Variants in TTN observed in about 807,000 individuals in gnomAD.
TTN encodes the protein connectin.
A neutral mutation model predicts 3,223.0 loss-of-function variants in TTN; 1,525 were observed. That is an observed-to-expected ratio of 0.47 (90% CI 0.45 to 0.49). The LOEUF (loss-of-function observed/expected upper bound fraction) is 0.49. TTN is among the 20% of genes least tolerant of loss of function. The pLI, the probability that TTN is intolerant of heterozygous loss-of-function variation, is 0.00. For synonymous variants in TTN, 14,094 were observed against 15,161.0 expected (o/e 0.93, Z 5.17); for missense variants, 40,786 against 43,424.0 (o/e 0.94, Z 5.40).
Position 178,582,516 on chromosome 2 carries a change from A to G in TTN, c.65940T>C (p.Pro21980=). The G allele has an allele frequency of 6.2e-7, 1 of 1,612,986 alleles. No individual in the cohort carries two copies. The highest frequency in any genetic ancestry group is 1.3e-5 in the African/African-American group (1 of 74,960). Residue 21980 remains proline, a synonymous_variant, in exon 314 of 363, where the codon CCT becomes CCC. Transcript: ENST00000589042. ...TGATTTCTGAGCCTCCATCTTCAAG[A>G]GGCGGTTCCCAAGAAAGCATAGCAC... ...SDRAMLSWEP[P]LEDGGSEITN... is the part of the protein sequence containing the mutation.
chr2:178,652,425 G>T, intron 202 of TTN, 33 bp downstream of exon 202: 2 of 1,613,042 alleles, frequency 1.2e-6, no homozygotes, highest in African/African-American at 2.7e-5. Flanking sequence ...AGAAGAGTTT[G>T]ATCATCTGAA....
chr2:178,568,328 G>C lies in TTN; in HGVS notation c.77804C>G (p.Thr25935Ser). ...NYIVQKRDTT[T>S]TVWDVVSATV... ...AGCAGAAACAACATCCCATACTGTG[G>C]TGGTTGTATCTCTTTTCTGAACAAT... is the stretch of plus-strand genomic sequence containing the variant. Residue 25935 changes from threonine (T) to serine (S), a missense_variant, in exon 326 of 363, where the codon ACC (threonine) becomes AGC (serine). By Grantham distance (58) the Thr-to-Ser change is moderately conservative. Coordinates refer to ENST00000589042, the MANE Select transcript of TTN (RefSeq NM_001267550.2). The C allele has an allele frequency of 6.2e-7, 1 of 1,613,448 alleles. No individual in the cohort carries two copies. Among genetic ancestry groups the C allele is most frequent in the Non-Finnish European group, 8.5e-7 (1 of 1,179,630 alleles).
intron 69 of TTN, chr2:178,726,648 AT>A (rs1560740587): frequency 6.5e-6 from 1 of 153,814 alleles, no homozygotes; most frequent in Non-Finnish European, 1.4e-5. Context: ...GAAGGAAAAA[AT>A]ATTATTGTCC....
intron 43 of TTN, among the ~76,000 whole-genome samples, chr2:178,759,951 G>T (rs1044284565): frequency 5.9e-5 from 9 of 152,288 alleles, no homozygotes; most frequent in Admixed American, 5.9e-4. Flanking sequence ...TTATTGTGTT[G>T]TAATAATTGT....
chr2:178,727,187 C>T lies in TTN; in HGVS notation c.20178G>A (p.Gln6726=). The T allele has an allele frequency of 1.9e-6, 3 of 1,613,274 alleles. No homozygotes were observed. Among genetic ancestry groups the T allele is most frequent in the Non-Finnish European group, 2.5e-6 (3 of 1,179,454 alleles). ...MTFIDSVAVI[Q]MNNLSTEDSG... ...TGTCCTCAGTACTGAGATTGTTCAT[C>T]TGTATGACGGCCACTGAGTCAATGA... Residue 6726 remains glutamine (Q), a synonymous_variant, in exon 69 of 363, where the codon CAG becomes CAA. Coordinates refer to ENST00000589042, the MANE Select transcript of TTN (RefSeq NM_001267550.2).
At position 178,546,730 on chromosome 2, in the gene TTN, G is replaced by T. The variant is rs72648253; in HGVS notation, c.94698C>A (p.Asp31566Glu). 8 of 1,613,802 alleles carry T rather than the reference G, an allele frequency of 5.0e-6. No homozygotes were observed. In the Admixed American group the frequency reaches 1.3e-4, roughly 27 times the overall value. Reference protein sequence around the residue: ...WLKCNYTIVSDNFFTVTALSE... With the variant: ...WLKCNYTIVSENFFTVTALSE... ...TGAGAGCAGTCACGGTGAAGAAATT[G>T]TCAGATACAATGGTGTAGTTGCACT... Residue 31566 changes from aspartate (D) to glutamate (E), a missense_variant, in exon 341 of 363, where the codon GAC becomes GAA. Physicochemically the swap from Asp to Glu is conservative, Grantham distance 45. Coordinates refer to ENST00000589042, the MANE Select transcript of TTN (RefSeq NM_001267550.2).
chr2:178,577,369 C>T lies in TTN; in HGVS notation c.68966G>A (p.Arg22989Lys). ...AGTTATCTGAGTGATATCTGATGGT[C>T]TAATGTCTTTTCCTGCCTTGGACCA... ...SSWSKAGKDIRPSDITQITST... is the reference protein window; with the variant it reads ...SSWSKAGKDIKPSDITQITST... Residue 22989 changes from arginine to lysine, a missense_variant, in exon 324 of 363, where the codon AGA becomes AAA. By Grantham distance (26) the Arg-to-Lys change is conservative (BLOSUM62 2). Transcript: ENST00000589042. The T allele has an allele frequency of 6.2e-7, 1 of 1,612,908 alleles. No homozygotes were observed. The highest frequency in any genetic ancestry group is 8.5e-7 in the Non-Finnish European group (1 of 1,179,508).
At chr2:178,647,552 G>GCTT (rs2062218100) in intron 213 of TTN, 88 bp from the exon 214 acceptor site, 1 of 1,277,636 alleles carries the variant, frequency 7.8e-7, no homozygotes, top group African/African-American at 1.5e-5. Context: ...AGGGGCAAGA[G>GCTT]CTTCATCTTA....
At position 178,541,288 on chromosome 2, in the gene TTN, G is replaced by C; in HGVS notation, c.97789C>G (p.Pro32597Ala). ...TGATACAAAATGTCCTTACCAATTG[G>C]ATCCATGGCAACGATGGGTTTGGAA... ...RPSKPIVAMD[P>A]IAPPGKPQNP... The change falls in exon 350 of 363, where the codon CCA (proline) becomes GCA (alanine). Residue 32597 changes from proline (P) to alanine (A), a missense_variant. By Grantham distance (27) the Pro-to-Ala change is conservative. Transcript: ENST00000589042. 1 of 1,502,330 alleles carries C rather than the reference G, an allele frequency of 6.7e-7. No individual in the cohort carries two copies. Among genetic ancestry groups the C allele is most frequent in the Non-Finnish European group, 9.0e-7 (1 of 1,116,608 alleles). 93.1% of individuals were successfully genotyped at this position (1,502,330 alleles called of 1,614,324 possible).
In TTN at chr2:178,633,504, G is replaced by A; in HGVS notation, c.42855C>T (p.Ile14285=). The A allele has an allele frequency of 1.2e-6, 2 of 1,613,338 alleles. No homozygotes were observed. Among genetic ancestry groups the A allele is most frequent in the Non-Finnish European group, 1.7e-6 (2 of 1,179,606 alleles). ...TAAGGTCCGCCTTTTTGATTTTTAA[G>A]ATGCGGCGCAGGCCATCTGCCTTGA... ...YSIKADGLRR[I]LKIKKADLKD... Residue 14285 remains isoleucine, a synonymous_variant, in exon 232 of 363, where the codon ATC becomes ATT. Coordinates refer to ENST00000589042, the MANE Select transcript of TTN (RefSeq NM_001267550.2).
At chr2:178,649,657 T>G in intron 211 of TTN, 26 bp from the exon 212 acceptor site, 1 of 1,550,280 alleles carries the variant, frequency 6.5e-7, no homozygotes, top group Non-Finnish European at 8.7e-7. Context: ...TAGCATTTAA[T>G]AATACAAAGT....
In TTN at chr2:178,734,621, A is replaced by G. The variant is rs1256191909; in HGVS notation, c.15218-15T>C. On this transcript the variant is annotated splice_polypyrimidine_tract_variant and intron_variant, in intron 51 of 362. Transcript: ENST00000589042. ...AGAAGGAGGTTCTACAAAAGCATGA[A>G]AGCATTGTGTAAGTAATGGGTAATA... 6 of 1,560,566 alleles carry G rather than the reference A, an allele frequency of 3.8e-6. No homozygotes were observed. The highest frequency in any genetic ancestry group is 5.2e-6 in the Non-Finnish European group (6 of 1,154,516).
Position 178,794,394 on chromosome 2 carries a change from C to T in TTN, c.1398+5G>A, listed in dbSNP as rs542965530. ...GCGGGTGCCCCATGGCAGCCTCGCA[C>T]GTACCTGTTCTTGAGCAGGTTGGAT... On this transcript the variant is annotated splice_donor_5th_base_variant and intron_variant, in intron 8 of 362. Coordinates refer to ENST00000589042, the MANE Select transcript of TTN (RefSeq NM_001267550.2). 9.3e-5 allele frequency: 150 copies of T among 1,614,132 alleles called. No homozygotes were observed. In the South Asian group the frequency reaches 1.2e-3, roughly 13 times the overall value.
rs775158152 is a variant in TTN at position 178,620,720 on chromosome 2, A to G, written c.45890T>C (p.Val15297Ala). 1.7e-5 allele frequency: 27 copies of G among 1,612,290 alleles called. No homozygotes were observed. Among genetic ancestry groups the G allele is most frequent in the Admixed American group, 6.7e-5 (4 of 59,896 alleles). ...ENVKSAANLI[V>A]EEEDLRIVEP... ...GTGGTATATAAATTACTTACCTTCT[A>G]CTATTAGATTGGCTGCACTTTTAAC... The change falls in exon 247 of 363, where the codon GTA becomes GCA. Residue 15297 changes from valine to alanine, a missense_variant. Val to Ala is a moderately conservative substitution (Grantham distance 64). Transcript: ENST00000589042.
chr2:178,637,193 C>CT (rs2060604445), intron 224 of TTN, among the ~76,000 whole-genome samples, 176 bp downstream of exon 224: 1 of 54,510 alleles, frequency 1.8e-5, no homozygotes, highest in African/African-American at 6.0e-5. Context: ...ATATATATCT[C>CT]CTTGCATAAT....
Position 178,618,404 on chromosome 2 carries a change from C to A in TTN, c.47054G>T (p.Gly15685Val). The A allele has an allele frequency of 6.2e-7, 1 of 1,612,470 alleles. No individual in the cohort carries two copies. The highest frequency in any genetic ancestry group is 8.5e-7 in the Non-Finnish European group (1 of 1,179,116). Residue 15685 changes from glycine to valine, a missense_variant, in exon 252 of 363, where the codon GGT becomes GTT. Physicochemically the swap from Gly to Val is moderately radical, Grantham distance 109. Transcript: ENST00000589042. Reference sequence around the variant, plus strand: ...AACGTAACCTATGATTTTGCTTCCACCATCAGTTAAAGGTTCTTCCCAAGC... The same window carrying A: ...AACGTAACCTATGATTTTGCTTCCAACATCAGTTAAAGGTTCTTCCCAAGC... ...SLAWEEPLTD[G>V]GSKIIGYVVE...
In TTN at chr2:178,597,588, G is replaced by T; in HGVS notation, c.57494C>A (p.Ala19165Asp). The part of the protein sequence containing the change: ...RSHQGVYSLL[A>D]KNEAGERKKT... ...CTTTCTTTCTCCGGCTTCATTTTTG[G>T]CAAGAAGAGAATAGACGCCTTGATG... The change falls in exon 294 of 363, where the codon GCC becomes GAC. Residue 19165 changes from alanine (A) to aspartate (D), a missense_variant. Coordinates refer to ENST00000589042, the MANE Select transcript of TTN (RefSeq NM_001267550.2). The T allele has an allele frequency of 6.2e-7, 1 of 1,612,766 alleles. No homozygotes were observed. Among genetic ancestry groups the T allele is most frequent in the South Asian group, 1.1e-5 (1 of 90,928 alleles).
In TTN at chr2:178,730,532, G is replaced by A. The variant is rs765081807; in HGVS notation, c.18001C>T (p.Gln6001Ter). ...CSATNKAGHNQCSGHLTVKEP... is the reference protein window; with the variant it reads ...CSATNKAGHN ...TTGACTGTCAGATGCCCACTGCATT[G>A]GTTGTGCCCTGCCTTATTTGTGGCA... The change falls in exon 61 of 363, where the codon CAA becomes TAA. Residue 6001 changes from glutamine (Q) to a stop codon, truncating the protein, a stop_gained. Transcript: ENST00000589042. LOFTEE classifies it high-confidence loss of function. The A allele has an allele frequency of 6.2e-7, 1 of 1,612,688 alleles. No homozygotes were observed.
chr2:178,793,027 A>C (rs1382154560), intron 9 of TTN, among the ~76,000 whole-genome samples: 1 of 152,228 alleles, frequency 6.6e-6, no homozygotes. Flanking sequence ...AGATTTCTAA[A>C]GCAAAGTGAG....
Sources: allele counts gnomAD v4.1 joint callset (sites outside exome capture counted in the v4.1 genomes callset), GRCh38; gene constraint gnomAD v4.1.1; transcripts MANE v1.5; gene names NCBI Gene and HGNC (gene_info 2026-07-23, HGNC 2026-07-21).